The following SYT1 variants were observed in gnomAD, a reference collection of about 807,000 sequenced individuals.
SYT1 encodes synaptotagmin-1.
A neutral mutation model predicts 44.8 loss-of-function variants in SYT1; 8 were observed. That is an observed-to-expected ratio of 0.18 (90% CI 0.10 to 0.32). SYT1 has a LOEUF of 0.32. SYT1 is among the 10% of genes least tolerant of loss of function. The pLI, the probability that SYT1 is intolerant of heterozygous loss-of-function variation, is 1.00. For missense variants in SYT1, 286 were observed against 509.3 expected (o/e 0.56, Z 4.22); for synonymous variants, 154 against 188.8 (o/e 0.82, Z 1.51).
At chr12:78,892,861 A>T (rs546601182) in intron 1 of SYT1, among the ~76,000 whole-genome samples, 16 of 151,958 alleles carry the variant, frequency 1.1e-4, no homozygotes, top group African/African-American at 3.9e-4. Context: ...ACTAGATATG[A>T]ATCCTAATTT....
chr12:79,121,047 A>G (rs186990967), intron 3 of SYT1, among the ~76,000 whole-genome samples: 118 of 152,126 alleles, frequency 7.8e-4, no homozygotes, highest in African/African-American at 2.8e-3. Context: ...ATATATATGC[A>G]TATGTTCATA....
intron 3 of SYT1, among the ~76,000 whole-genome samples, chr12:79,111,051 A>G (rs1355175654): frequency 6.6e-6 from 1 of 152,146 alleles, no homozygotes; most frequent in Non-Finnish European, 1.5e-5. Flanking sequence ...CAAAATCTTA[A>G]CTATATAAAG....
chr12:79,080,724 C>T (rs936102373), intron 3 of SYT1, among the ~76,000 whole-genome samples: 8 of 152,152 alleles, frequency 5.3e-5, no homozygotes, highest in Admixed American at 6.6e-5. Context: ...ATCTTAAAGG[C>T]ATTCAGATCT....
chr12:79,249,447 G>A (rs1244238224), intron 4 of SYT1, among the ~76,000 whole-genome samples: 1 of 152,152 alleles, frequency 6.6e-6, no homozygotes, highest in Non-Finnish European at 1.5e-5. Flanking sequence ...AGTTGGAAGT[G>A]TGAGTGGTGA....
chr12:79,060,288 T>C (rs1005973522), intron 3 of SYT1, among the ~76,000 whole-genome samples: 1 of 152,098 alleles, frequency 6.6e-6, no homozygotes, highest in African/African-American at 2.4e-5. Context: ...AAGAGCTGTA[T>C]CTTTAGCCAT....
At chr12:79,020,435 T>C (rs1872115142) in intron 2 of SYT1, among the ~76,000 whole-genome samples, 1 of 151,870 alleles carries the variant, frequency 6.6e-6, no homozygotes, top group African/African-American at 2.4e-5. Context: ...TCCTCCTCTC[T>C]GAAAAAGAAG....
chr12:79,231,429 C>A (rs1163791027), intron 4 of SYT1, among the ~76,000 whole-genome samples: 1 of 151,972 alleles, frequency 6.6e-6, no homozygotes, highest in Admixed American at 6.6e-5. Flanking sequence ...AATTTCAAAA[C>A]CACTTGAACC....
chr12:79,053,907 A>T (rs1278611637), intron 3 of SYT1, among the ~76,000 whole-genome samples: 1 of 152,020 alleles, frequency 6.6e-6, no homozygotes, highest in African/African-American at 2.4e-5. Context: ...TGAATTTATA[A>T]TTTATCTTTA....
At chr12:79,142,726 G>T (rs1247021404) in intron 3 of SYT1, among the ~76,000 whole-genome samples, 1 of 152,170 alleles carries the variant, frequency 6.6e-6, no homozygotes, top group Non-Finnish European at 1.5e-5. Flanking sequence ...TTTGAGCAAA[G>T]AATAAAATAG....
chr12:79,376,798 G>A (rs1161153582), intron 9 of SYT1, among the ~76,000 whole-genome samples: 1 of 152,096 alleles, frequency 6.6e-6, no homozygotes, highest in Non-Finnish European at 1.5e-5. Context: ...AGGGTAAATG[G>A]CCCATTTCAT....
chr12:79,234,037 C>G (rs996071991), intron 4 of SYT1, among the ~76,000 whole-genome samples: 13 of 152,156 alleles, frequency 8.5e-5, no homozygotes, highest in Non-Finnish European at 1.5e-5. Context: ...TATTGAAAAT[C>G]TCGTCTCCCT....
At chr12:79,045,392 G>A (rs975564456) in intron 2 of SYT1, among the ~76,000 whole-genome samples, 6 of 152,162 alleles carry the variant, frequency 3.9e-5, no homozygotes, top group African/African-American at 7.2e-5. Flanking sequence ...TTCCAGGTGC[G>A]TCTGTTACCC....
intron 4 of SYT1, among the ~76,000 whole-genome samples, chr12:79,261,892 A>G (rs1465463060): frequency 6.6e-6 from 1 of 152,200 alleles, no homozygotes; most frequent in African/African-American, 2.4e-5. Flanking sequence ...AGTGGAAGTA[A>G]TATGTAACAT....
chr12:79,028,420 T>C (rs1039143675), intron 2 of SYT1, among the ~76,000 whole-genome samples: 10 of 151,438 alleles, frequency 6.6e-5, no homozygotes, highest in African/African-American at 2.4e-4. Context: ...GGAATATTGA[T>C]AGAGCTAAGT....
chr12:79,207,945 A>G (rs902964812), intron 3 of SYT1, among the ~76,000 whole-genome samples: 12 of 152,200 alleles, frequency 7.9e-5, no homozygotes, highest in Non-Finnish European at 1.0e-4. Flanking sequence ...TTGGTAAGTC[A>G]GTTTTCCAAC....
chr12:79,203,154 G>A (rs573312434), intron 3 of SYT1, among the ~76,000 whole-genome samples: 1 of 152,262 alleles, frequency 6.6e-6, no homozygotes, highest in African/African-American at 2.4e-5. Context: ...TTTGGCAGAT[G>A]TAATACAAAC....
chr12:78,945,729 T>G (rs1878620613), intron 1 of SYT1, among the ~76,000 whole-genome samples: 1 of 152,136 alleles, frequency 6.6e-6, no homozygotes, highest in Non-Finnish European at 1.5e-5. Context: ...CTCGTAATAT[T>G]AATGGGAAGT....
intron 4 of SYT1, among the ~76,000 whole-genome samples, chr12:79,256,357 G>T (rs971057094): frequency 7.2e-5 from 11 of 152,190 alleles, no homozygotes; most frequent in Non-Finnish European, 1.6e-4. Context: ...GGAATCTCAG[G>T]CTTTGTTGGC....
chr12:79,348,438 G>A (rs1477085523), intron 8 of SYT1, among the ~76,000 whole-genome samples: 1 of 152,114 alleles, frequency 6.6e-6, no homozygotes, highest in Non-Finnish European at 1.5e-5. Flanking sequence ...ACTTGGACTA[G>A]AGTAATAACC....
Sources: gnomAD v4.1 joint callset for allele counts (sites outside exome capture counted in the v4.1 genomes callset) on GRCh38, gnomAD v4.1.1 for gene constraint, MANE v1.5 for transcripts, NCBI Gene and HGNC (gene_info 2026-07-23, HGNC 2026-07-21) for gene names.